Variants in CR2 observed in about 807,000 individuals in gnomAD.
CR2 encodes complement C3d receptor 2.
Under a neutral mutation model 123.0 loss-of-function variants are expected in CR2, and 96 were observed. The ratio of observed to expected loss-of-function variants is 0.78; its 90% CI spans 0.66 to 0.93. The LOEUF (loss-of-function observed/expected upper bound fraction) is 0.93, where lower values mean the gene tolerates loss of function less well. Among genes scored for constraint, CR2 ranks in the 40% least tolerant of loss-of-function variants. CR2 has a pLI of 0.00. For synonymous variants in CR2, 484 were observed against 469.5 expected, an observed-to-expected ratio of 1.03 and a Z score of -0.40; for missense variants, 1,258 against 1,361.0, an observed-to-expected ratio of 0.92 and a Z score of 1.19.
chr1:207,458,077 C>CACACACACACATACACACACACACAT lies in CR2; in HGVS notation c.58+3612_58+3613insTACACACACACACATACACACACACA, dbSNP rs1553278530. ...AGGCCACAACACACACACACACACA[C>CACACACACACATACACACACACACAT]ACACACACACACACACACACACTCC... On this transcript the variant is annotated intron_variant, in intron 1 of 19. Transcript: ENST00000367057. 1.7e-3 allele frequency among the ~76,000 whole-genome samples: 261 copies of CACACACACACATACACACACACACAT among 150,180 alleles called. 4 individuals are homozygous for CACACACACACATACACACACACACAT. Among genetic ancestry groups the CACACACACACATACACACACACACAT allele is most frequent in the Middle Eastern group, 0.01 (3 of 288 alleles).
intron 14 of CR2, among the ~76,000 whole-genome samples, chr1:207,475,781 C>G (rs977684039): frequency 6.6e-6 from 1 of 152,228 alleles, no homozygotes; most frequent in South Asian, 2.1e-4. Context: ...AGTGAGCTTG[C>G]GAGCCACAAG....
chr1:207,455,988 A>G (rs1657824654), intron 1 of CR2, among the ~76,000 whole-genome samples: 1 of 152,230 alleles, frequency 6.6e-6, no homozygotes, highest in Admixed American at 6.5e-5. Context: ...CTCTTTTAAG[A>G]GATTTTGGTT....
chr1:207,482,216 T>A (rs1658623112), intron 18 of CR2, among the ~76,000 whole-genome samples: 1 of 152,172 alleles, frequency 6.6e-6, no homozygotes, highest in Non-Finnish European at 1.5e-5. Context: ...TTAAGCATAT[T>A]TTTATATCAC....
chr1:207,477,912 T>C lies in CR2; in HGVS notation c.2930T>C (p.Met977Thr), dbSNP rs1331055578. 1.2e-6 allele frequency: 2 copies of C among 1,613,926 alleles called. No individual in the cohort carries two copies. Among genetic ancestry groups the C allele is most frequent in the Non-Finnish European group, 1.7e-6 (2 of 1,179,958 alleles). ...GTAAACTGTAGCTCACCAGCAGATA[T>C]GGATGGAATCCAGAAAGGGCTGGAA... The part of the protein sequence containing the change: ...KEVNCSSPAD[M>T]DGIQKGLEPR... Residue 977 changes from methionine (M) to threonine (T), a missense_variant, in exon 16 of 20, where the codon ATG (methionine) becomes ACG (threonine). Physicochemically the swap from Met to Thr is moderately conservative, Grantham distance 81. Coordinates refer to ENST00000367057, the MANE Select transcript of CR2 (RefSeq NM_001006658.3).
At chr1:207,462,354 A>G (rs762709607) in intron 1 of CR2, among the ~76,000 whole-genome samples, 3 of 152,238 alleles carry the variant, frequency 2.0e-5, no homozygotes, top group Non-Finnish European at 4.4e-5. Context: ...TGAGCAGAGG[A>G]AACAGCATTT....
chr1:207,470,975 T>G (rs376278193), intron 7 of CR2, 22 bp from the exon 8 acceptor site: 3 of 1,613,870 alleles, frequency 1.9e-6, no homozygotes, highest in Admixed American at 1.7e-5. Context: ...AATTAAATTC[T>G]CATCCTAGTC....
intron 1 of CR2, among the ~76,000 whole-genome samples, chr1:207,461,296 C>T (rs1017863184): frequency 6.6e-6 from 1 of 152,150 alleles, no homozygotes; most frequent in Non-Finnish European, 1.5e-5. Context: ...AGCAAACAAA[C>T]TAAAACCACT....
rs764491925 is a variant in CR2, at chr1:207,485,561, G to A, written c.*7G>A. The A allele has an allele frequency of 3.7e-5, 58 of 1,570,708 alleles. No individual in the cohort carries two copies. The highest frequency in any genetic ancestry group is 5.1e-5 in the Non-Finnish European group (58 of 1,140,612). The stretch of plus-strand genomic sequence containing the variant: ...ATACAACCCAGCCAGCTGATCAGAA[G>A]ACAAACTGGTGGTATGTAATGAAAT... On this transcript the variant is annotated 3_prime_UTR_variant, in exon 19 of 20. Coordinates refer to ENST00000367057, the MANE Select transcript of CR2 (RefSeq NM_001006658.3).
intron 1 of CR2, among the ~76,000 whole-genome samples, chr1:207,464,351 T>C (rs1248322623): frequency 1.3e-5 from 2 of 152,336 alleles, no homozygotes; most frequent in Non-Finnish European, 2.9e-5. Context: ...GAAAGTATAA[T>C]ATTCTCTCTT....
Position 207,468,894 on chromosome 1 carries a change from TG to T in CR2, c.730del (p.Glu244LysfsTer14). 1.2e-6 allele frequency: 2 copies of T among 1,613,754 alleles called. No homozygotes were observed. Among genetic ancestry groups the T allele is most frequent in the Non-Finnish European group, 1.7e-6 (2 of 1,179,706 alleles). Reference protein sequence around the residue: ...VGVTANFFCDEGYRLQGPPSS... With the variant: ...VGVTANFFCDXGYRLQGPPSS... ...GTGTAACTGCAAACTTTTTCTGTGATGAAGGGTGAGTGTCAGGATTATTTAT... is the reference window on the plus strand; with the variant it reads ...GTGTAACTGCAAACTTTTTCTGTGATAAGGGTGAGTGTCAGGATTATTTAT... On this transcript the variant is annotated frameshift_variant, in exon 4 of 20. Transcript: ENST00000367057. LOFTEE classifies it high-confidence loss of function.
chr1:207,467,557 C>CA (rs1339253595), intron 2 of CR2, among the ~76,000 whole-genome samples: 1 of 151,878 alleles, frequency 6.6e-6, no homozygotes, highest in African/African-American at 2.4e-5. Flanking sequence ...CAATATTTGA[C>CA]AAAAATTATA....
intron 1 of CR2, among the ~76,000 whole-genome samples, chr1:207,459,563 A>G (rs781760215): frequency 2.0e-5 from 3 of 152,160 alleles, no homozygotes; most frequent in South Asian, 4.1e-4. Flanking sequence ...CATTCCAGGT[A>G]AAGTCCCTGG....
chr1:207,454,570 G>T lies in CR2; in HGVS notation c.58+94G>T. The T allele has an allele frequency of 3.1e-6, 3 of 977,830 alleles. No individual in the cohort carries two copies. Among genetic ancestry groups the T allele is most frequent in the Non-Finnish European group, 3.0e-6 (2 of 675,554 alleles). The allele number at this position is 977,830 out of a possible 1,614,324, so 60.6% of individuals were successfully genotyped here. A position where few individuals can be genotyped will look rare whatever the true frequency, so the allele number is the denominator to read the frequency against. ...CAAAGCAGGGGGCCAAAAGCGAGACGGTGGGGGCAGTGCTCGACGCGTGTC... is the reference window on the plus strand; with the variant it reads ...CAAAGCAGGGGGCCAAAAGCGAGACTGTGGGGGCAGTGCTCGACGCGTGTC... On this transcript the variant is annotated intron_variant, in intron 1 of 19. Transcript: ENST00000367057. The surrounding 1 kb of genome is among the most constrained non-coding windows in gnomAD (Gnocchi z 4.3).
intron 1 of CR2, among the ~76,000 whole-genome samples, chr1:207,458,263 C>A (rs909823977): frequency 1.6e-5 from 2 of 123,830 alleles, no homozygotes; most frequent in African/African-American, 5.7e-5. Flanking sequence ...CTGCTCAATC[C>A]TTTGCCAAGC....
At position 207,489,669 on chromosome 1, in the gene CR2, C is replaced by T. The variant is rs1479294302; in HGVS notation, c.*546C>T. The T allele has an allele frequency of 6.6e-6, 1 of 152,174 alleles. No homozygotes were observed. The highest frequency in any genetic ancestry group is 1.5e-5 in the Non-Finnish European group (1 of 68,026). 9.4% of individuals were successfully genotyped at this position (152,174 alleles called of 1,614,324 possible). A position where few individuals can be genotyped will look rare whatever the true frequency, so the allele number is the denominator to read the frequency against. ...CCTTACTTGGTTTGAGTTTCTCTCA[C>T]ATTACTGTATATACTTTGCCTTTCC... On this transcript the variant is annotated 3_prime_UTR_variant, in exon 20 of 20. Transcript: ENST00000367057.
intron 18 of CR2, among the ~76,000 whole-genome samples, chr1:207,484,592 C>T (rs569297158): frequency 6.6e-6 from 1 of 152,352 alleles, no homozygotes; most frequent in African/African-American, 2.4e-5. Context: ...AACATATCTC[C>T]TGTACACGGA....
chr1:207,473,374 G>A (rs1027779350), intron 10 of CR2, among the ~76,000 whole-genome samples, 171 bp from the exon 11 acceptor site: 1 of 152,082 alleles, frequency 6.6e-6, no homozygotes, highest in African/African-American at 2.4e-5. Context: ...ATCTATTCAG[G>A]GTAGATAATG....
At chr1:207,480,552 A>G (rs949599586) in intron 18 of CR2, among the ~76,000 whole-genome samples, 7 of 152,202 alleles carry the variant, frequency 4.6e-5, no homozygotes, top group Non-Finnish European at 1.0e-4. Flanking sequence ...CTTTGATAAT[A>G]TATAAAGATA....
At chr1:207,479,168 A>G in intron 16 of CR2, 89 bp from the exon 17 acceptor site, 1 of 1,046,172 alleles carries the variant, frequency 9.6e-7, no homozygotes, top group Non-Finnish European at 1.5e-6. Flanking sequence ...TAGAGTGTTG[A>G]TTTCTGGGAC....
Sources: allele counts gnomAD v4.1 joint callset (sites outside exome capture counted in the v4.1 genomes callset), GRCh38; gene constraint gnomAD v4.1.1; non-coding constraint Gnocchi (gnomAD v3.1); transcripts MANE v1.5; gene names NCBI Gene and HGNC (gene_info 2026-07-23, HGNC 2026-07-21).